The following CDH13 variants were observed in gnomAD, a reference collection of about 807,000 sequenced individuals.
The protein encoded by CDH13 is cadherin-13.
In CDH13, 24 loss-of-function variants were observed where a neutral mutation model predicts 63.8. That is an observed-to-expected ratio of 0.38 (90% CI 0.27 to 0.53). The LOEUF (loss-of-function observed/expected upper bound fraction) is 0.53, where lower values mean the gene tolerates loss of function less well. Ranked by LOEUF, CDH13 falls within the 20% of genes least tolerant of loss-of-function variation. The probability of loss-of-function intolerance (pLI) is 0.85; values close to 1 mark genes in which losing one functional copy is unlikely to be tolerated. For synonymous variants in CDH13, 503 were observed against 355.3 expected, an observed-to-expected ratio of 1.42 and a Z score of -4.67; for missense variants, 1,049 against 903.1, an observed-to-expected ratio of 1.16 and a Z score of -2.07.
chr16:83,531,129 G>A (rs1444060132), intron 7 of CDH13, among the ~76,000 whole-genome samples: 1 of 152,178 alleles, frequency 6.6e-6, no homozygotes, highest in Non-Finnish European at 1.5e-5. Flanking sequence ...CCACCACCAT[G>A]GTAGCACATC....
At chr16:82,656,217 T>TG (rs375633299) in intron 1 of CDH13, among the ~76,000 whole-genome samples, 230 of 151,844 alleles carry the variant, frequency 1.5e-3, no homozygotes, top group African/African-American at 5.3e-3. Flanking sequence ...AGAGAATCAG[T>TG]GGTTCAAAGG....
intron 2 of CDH13, among the ~76,000 whole-genome samples, chr16:82,893,094 C>T (rs958983162): frequency 2.0e-5 from 3 of 152,182 alleles, no homozygotes; most frequent in African/African-American, 7.2e-5. Flanking sequence ...TGTGAACAAC[C>T]ATGATTCCTG....
At position 82,775,334 on chromosome 16, in the gene CDH13, C is replaced by A. The variant is rs368916316; in HGVS notation, c.46-83028C>A. Among the ~76,000 whole-genome samples the A allele has an allele frequency of 3.3e-5, 5 of 152,144 alleles. No individual in the cohort carries two copies. In the East Asian group the frequency reaches 9.6e-4, roughly 29 times the overall value. ...AAGTAACCATTGTTTTGAATAGTCACGTGTGGATATCAAGTCCAGTTATAT... is the reference window on the plus strand; with the variant it reads ...AAGTAACCATTGTTTTGAATAGTCAAGTGTGGATATCAAGTCCAGTTATAT... On this transcript the variant is annotated intron_variant, in intron 1 of 13. Transcript: ENST00000567109.
intron 8 of CDH13, among the ~76,000 whole-genome samples, chr16:83,652,708 A>G (rs1434785695): frequency 2.0e-5 from 3 of 152,098 alleles, no homozygotes; most frequent in Non-Finnish European, 4.4e-5. Flanking sequence ...GAAAGGAGCA[A>G]CCCAAGGGCT....
At chr16:83,411,481 T>G (rs902842428) in intron 6 of CDH13, among the ~76,000 whole-genome samples, 8 of 152,224 alleles carry the variant, frequency 5.3e-5, no homozygotes, top group African/African-American at 1.9e-4. Flanking sequence ...AAATCATATG[T>G]GCTCAATATG....
At chr16:83,363,758 C>G (rs991083313) in intron 6 of CDH13, among the ~76,000 whole-genome samples, 1 of 152,184 alleles carries the variant, frequency 6.6e-6, no homozygotes, top group African/African-American at 2.4e-5. Flanking sequence ...CGGCAGCTCT[C>G]AGATCCTGAG....
At chr16:83,010,231 G>T (rs557003578) in intron 2 of CDH13, among the ~76,000 whole-genome samples, 9 of 150,646 alleles carry the variant, frequency 6.0e-5, no homozygotes, top group Non-Finnish European at 1.0e-4. Flanking sequence ...TCATGCTGCT[G>T]ATCCTGGCAC....
intron 5 of CDH13, among the ~76,000 whole-genome samples, chr16:83,224,455 T>C (rs10871447): frequency 0.98 from 149,691 of 152,320 alleles, 73,617 homozygotes; most frequent in East Asian, 1. Context: ...GTAACAGGCT[T>C]ACACCTAGGA....
chr16:83,145,758 T>G (rs905697784), intron 4 of CDH13, among the ~76,000 whole-genome samples: 1 of 152,184 alleles, frequency 6.6e-6, no homozygotes. Context: ...ACCTGAGGAA[T>G]AGAGGGGCTA....
chr16:83,390,089 C>G (rs1238502296), intron 6 of CDH13, among the ~76,000 whole-genome samples: 1 of 152,170 alleles, frequency 6.6e-6, no homozygotes, highest in Middle Eastern at 3.2e-3. Flanking sequence ...CTCTTTGAGT[C>G]CTGGGCCATG....
At chr16:82,966,483 C>G (rs1907852606) in intron 2 of CDH13, among the ~76,000 whole-genome samples, 3 of 152,130 alleles carry the variant, frequency 2.0e-5, no homozygotes, top group Non-Finnish European at 4.4e-5. Context: ...AACTGAGGCT[C>G]AGAGATGCTA....
chr16:83,043,457 A>G (rs1425773710), intron 3 of CDH13, among the ~76,000 whole-genome samples: 1 of 151,304 alleles, frequency 6.6e-6, no homozygotes, highest in Non-Finnish European at 1.5e-5. Flanking sequence ...AGTGAAATTA[A>G]CTTTAATAAT....
chr16:83,032,257 A>G, intron 3 of CDH13, 39 bp downstream of exon 3: 1 of 1,518,696 alleles, frequency 6.6e-7, no homozygotes, highest in Non-Finnish European at 9.1e-7. Flanking sequence ...TTCAAGGAGG[A>G]CATTAGGTTC....
At chr16:82,816,522 C>T (rs1440499524) in intron 1 of CDH13, among the ~76,000 whole-genome samples, 1 of 152,030 alleles carries the variant, frequency 6.6e-6, no homozygotes, top group Admixed American at 6.6e-5. Flanking sequence ...GAAGGCCTCA[C>T]TGAGGCATCA....
intron 8 of CDH13, among the ~76,000 whole-genome samples, chr16:83,661,898 C>G (rs1259293149): frequency 6.6e-6 from 1 of 152,174 alleles, no homozygotes; most frequent in Non-Finnish European, 1.5e-5. Context: ...CTTTCTTGCC[C>G]TTTGGTTCAT....
intron 6 of CDH13, among the ~76,000 whole-genome samples, chr16:83,437,500 AC>A (rs992856883): frequency 3.3e-5 from 5 of 151,674 alleles, no homozygotes; most frequent in African/African-American, 4.8e-5. Flanking sequence ...ACACAGTGAA[AC>A]CCCGTCTCTA....
At chr16:83,250,659 A>T (rs1041118771) in intron 5 of CDH13, among the ~76,000 whole-genome samples, 4 of 152,170 alleles carry the variant, frequency 2.6e-5, no homozygotes, top group African/African-American at 9.7e-5. Context: ...GGTAGAAGTG[A>T]AATAAGGGAG....
At chr16:83,420,940 C>T (rs1177571575) in intron 6 of CDH13, among the ~76,000 whole-genome samples, 3 of 152,180 alleles carry the variant, frequency 2.0e-5, no homozygotes. Context: ...ACGGAAGACC[C>T]AGCAAGCAAG....
At chr16:83,355,275 T>A (rs1236353961) in intron 6 of CDH13, among the ~76,000 whole-genome samples, 2 of 152,182 alleles carry the variant, frequency 1.3e-5, no homozygotes, top group Non-Finnish European at 2.9e-5. Context: ...AAATATTGAG[T>A]CATTTTATGA....
Sources: allele counts gnomAD v4.1 joint callset (sites outside exome capture counted in the v4.1 genomes callset), GRCh38; gene constraint gnomAD v4.1.1; transcripts MANE v1.5; gene names NCBI Gene and HGNC (gene_info 2026-07-23, HGNC 2026-07-21).